The following ERC2 variants were observed in gnomAD, a reference collection of about 807,000 sequenced individuals.
The protein encoded by ERC2 is ELKS/RAB6-interacting/CAST family member 2.
In ERC2, 42 loss-of-function variants were observed where a neutral mutation model predicts 114.8. The ratio of observed to expected loss-of-function variants is 0.37; its 90% CI spans 0.29 to 0.47. ERC2 has a LOEUF of 0.47. Among genes scored for constraint, ERC2 ranks in the 20% least tolerant of loss-of-function variants. The probability of loss-of-function intolerance (pLI) is 0.99; values close to 1 mark genes in which losing one functional copy is unlikely to be tolerated. For synonymous variants in ERC2, 454 were observed against 425.5 expected (o/e 1.07, Z -0.82); for missense variants, 939 against 1,150.7 (o/e 0.82, Z 2.66).
intron 17 of ERC2, among the ~76,000 whole-genome samples, chr3:55,574,580 G>A (rs2056881519): frequency 6.6e-6 from 1 of 152,156 alleles, no homozygotes; most frequent in Admixed American, 6.5e-5. Context: ...GTGACCTTGG[G>A]TGAGGCACTG....
intron 14 of ERC2, among the ~76,000 whole-genome samples, chr3:55,739,676 A>G (rs1049868749): frequency 6.6e-6 from 1 of 152,010 alleles, no homozygotes; most frequent in African/African-American, 2.4e-5. Flanking sequence ...AGGTGGGTAG[A>G]TTGCAAAAAT....
At chr3:55,927,041 A>G (rs1027482151) in intron 13 of ERC2, among the ~76,000 whole-genome samples, 2 of 152,136 alleles carry the variant, frequency 1.3e-5, no homozygotes, top group African/African-American at 4.8e-5. Context: ...GTGGAGGGCA[A>G]ATCAGTTCTA....
intron 17 of ERC2, among the ~76,000 whole-genome samples, chr3:55,590,686 T>A (rs1212412331): frequency 6.6e-6 from 1 of 152,218 alleles, no homozygotes; most frequent in African/African-American, 2.4e-5. Context: ...CACTTATGCA[T>A]GTAAATGTGG....
chr3:55,936,206 CCTT>C lies in ERC2; in HGVS notation c.2403+14216_2403+14218del, dbSNP rs2066434972. On this transcript the variant is annotated intron_variant, in intron 13 of 17. Coordinates refer to ENST00000288221, the MANE Select transcript of ERC2 (RefSeq NM_015576.3). ...CTTCCCTCACAGATACAGCCTCAGT[CCTT>C]CTCTCCTGCATGCTGAGAAGCCACT... is the stretch of plus-strand genomic sequence containing the variant. Among the ~76,000 whole-genome samples the C allele has an allele frequency of 2.6e-5, 4 of 152,292 alleles. No homozygotes were observed. The South Asian group carries it at 6.2e-4, about 24-fold the overall frequency.
chr3:56,154,546 A>T (rs528512472), intron 4 of ERC2, among the ~76,000 whole-genome samples: 6 of 152,254 alleles, frequency 3.9e-5, no homozygotes, highest in Non-Finnish European at 8.8e-5. Flanking sequence ...TCATGAGCAG[A>T]TGTGTCTCTA....
chr3:55,750,202 A>T (rs2066598791), intron 14 of ERC2, among the ~76,000 whole-genome samples: 1 of 152,192 alleles, frequency 6.6e-6, no homozygotes, highest in African/African-American at 2.4e-5. Context: ...AATAAAAGAT[A>T]AATAATAGTT....
chr3:55,877,935 G>T (rs887504141), intron 14 of ERC2, among the ~76,000 whole-genome samples: 2 of 152,106 alleles, frequency 1.3e-5, no homozygotes, highest in African/African-American at 4.8e-5. Context: ...TCAGGTACTG[G>T]TCAGAATTCT....
At chr3:56,414,351 T>G (rs1559469451) in intron 2 of ERC2, among the ~76,000 whole-genome samples, 1 of 152,174 alleles carries the variant, frequency 6.6e-6, no homozygotes, top group Non-Finnish European at 1.5e-5. Flanking sequence ...TCCCTAGATA[T>G]CCAAAACAAG....
intron 2 of ERC2, among the ~76,000 whole-genome samples, chr3:56,392,133 G>T (rs1452484083): frequency 6.6e-6 from 1 of 152,176 alleles, no homozygotes; most frequent in African/African-American, 2.4e-5. Context: ...TCAAAGAAAT[G>T]ATTTTAAAGA....
At chr3:56,381,117 T>C (rs2059732468) in intron 2 of ERC2, among the ~76,000 whole-genome samples, 1 of 152,222 alleles carries the variant, frequency 6.6e-6, no homozygotes, top group South Asian at 2.1e-4. Context: ...AGAAAAACCT[T>C]ATAATTCTCA....
chr3:55,852,597 A>T (rs1343211392), intron 14 of ERC2: 1 of 153,296 alleles, frequency 6.5e-6, no homozygotes, highest in Non-Finnish European at 1.5e-5. Flanking sequence ...AAATTCCTTT[A>T]AAAAAATCTT....
intron 2 of ERC2, among the ~76,000 whole-genome samples, chr3:56,360,529 A>G (rs2058917223): frequency 6.6e-6 from 1 of 152,194 alleles, no homozygotes; most frequent in South Asian, 2.1e-4. Context: ...TGGGAGCTCC[A>G]AGGAGGAAAG....
intron 15 of ERC2, among the ~76,000 whole-genome samples, chr3:55,734,508 C>T (rs1043615650): frequency 6.6e-6 from 1 of 152,128 alleles, no homozygotes; most frequent in African/African-American, 2.4e-5. Flanking sequence ...AAGTTGAGAG[C>T]TATTTCTGGG....
At chr3:55,719,603 G>A (rs1029925833) in intron 15 of ERC2, among the ~76,000 whole-genome samples, 2 of 152,172 alleles carry the variant, frequency 1.3e-5, no homozygotes, top group Non-Finnish European at 2.9e-5. Context: ...AAAGCACAAA[G>A]AGGCAACTGG....
intron 2 of ERC2, among the ~76,000 whole-genome samples, chr3:56,332,543 C>T (rs1404018744): frequency 6.6e-6 from 1 of 152,170 alleles, no homozygotes; most frequent in Admixed American, 6.5e-5. Context: ...CTGTTCTCTC[C>T]ACTCCATCCC....
intron 2 of ERC2, among the ~76,000 whole-genome samples, chr3:56,355,823 C>T (rs1198237278): frequency 1.3e-5 from 2 of 151,988 alleles, no homozygotes; most frequent in African/African-American, 4.8e-5. Flanking sequence ...AACTTGAAAC[C>T]TTTGGGACCT....
intron 12 of ERC2, among the ~76,000 whole-genome samples, chr3:55,952,227 T>G (rs1018272785): frequency 1.4e-5 from 2 of 144,302 alleles, no homozygotes; most frequent in Non-Finnish European, 3.0e-5. Flanking sequence ...TTCTGAACAC[T>G]TTGTCTTCTT....
At chr3:55,536,537 G>A (rs2054011494) in intron 17 of ERC2, among the ~76,000 whole-genome samples, 1 of 152,214 alleles carries the variant, frequency 6.6e-6, no homozygotes, top group Non-Finnish European at 1.5e-5. Flanking sequence ...TTGATGCAGG[G>A]CCTGGAGTAA....
intron 2 of ERC2, among the ~76,000 whole-genome samples, chr3:56,347,487 C>T (rs1051615434): frequency 1.3e-5 from 2 of 151,822 alleles, no homozygotes; most frequent in African/African-American, 2.4e-5. Flanking sequence ...TGAGCGTGAC[C>T]CAGCCACGCT....
Sources: gnomAD v4.1 joint callset for allele counts (sites outside exome capture counted in the v4.1 genomes callset) on GRCh38, gnomAD v4.1.1 for gene constraint, MANE v1.5 for transcripts, NCBI Gene and HGNC (gene_info 2026-07-23, HGNC 2026-07-21) for gene names.